PTPRG: variants seen among roughly 807,000 people sequenced by gnomAD.
PTPRG encodes the protein receptor-type tyrosine-protein phosphatase gamma.
In PTPRG, 102 loss-of-function variants were observed where a neutral mutation model predicts 165.3. That is an observed-to-expected ratio of 0.62 (90% CI 0.53 to 0.73). The LOEUF (loss-of-function observed/expected upper bound fraction) is 0.73, where lower values mean the gene tolerates loss of function less well. PTPRG is among the 30% of genes least tolerant of loss of function. The probability of loss-of-function intolerance (pLI) is 0.00; values close to 1 mark genes in which losing one functional copy is unlikely to be tolerated. For synonymous variants in PTPRG, 675 were observed against 669.5 expected (o/e 1.01, Z -0.13); for missense variants, 1,866 against 1,861.4 (o/e 1.00, Z -0.05).
intron 28 of PTPRG, among the ~76,000 whole-genome samples, chr3:62,285,533 G>C (rs1307613998): frequency 2.2e-5 from 3 of 135,626 alleles, no homozygotes; most frequent in East Asian, 2.5e-4. Context: ...TTGGGGGGGG[G>C]GGGTCTCAGG....
chr3:61,638,274 G>GTT (rs36047655), intron 1 of PTPRG, among the ~76,000 whole-genome samples: 33 of 150,154 alleles, frequency 2.2e-4, no homozygotes, highest in East Asian at 3.9e-4. Context: ...TTTGTATGTA[G>GTT]TTTTTTTTTT....
intron 2 of PTPRG, among the ~76,000 whole-genome samples, chr3:61,943,492 C>T (rs540300541): frequency 2.0e-5 from 3 of 152,250 alleles, no homozygotes; most frequent in South Asian, 4.1e-4. Flanking sequence ...GCAGGAGAAT[C>T]GCTTGAACCC....
rs1254094301 is a variant in PTPRG at position 61,993,271 on chromosome 3, G to T, written c.370+3467G>T. ...TTGATCTTGTTGCCCAGGCTGGAGT[G>T]CAATGGTGTGATCTCAGCTCACCGC... is the stretch of plus-strand genomic sequence containing the variant. On this transcript the variant is annotated intron_variant, in intron 3 of 29. Coordinates refer to ENST00000474889, the MANE Select transcript of PTPRG (RefSeq NM_002841.4). Among the ~76,000 whole-genome samples, 8 of 151,782 alleles carry T rather than the reference G, an allele frequency of 5.3e-5. No homozygotes were observed. In the South Asian group the frequency reaches 1.3e-3, roughly 24 times the overall value.
chr3:61,920,380 GA>G (rs2039048989), intron 2 of PTPRG, among the ~76,000 whole-genome samples: 3 of 152,072 alleles, frequency 2.0e-5, no homozygotes. Flanking sequence ...TTTTGAAGTA[GA>G]TTTTTTTTAA....
chr3:62,137,915 G>A (rs996182631), intron 6 of PTPRG, among the ~76,000 whole-genome samples: 4 of 152,186 alleles, frequency 2.6e-5, no homozygotes, highest in Non-Finnish European at 1.5e-5. Flanking sequence ...TGCTTCAAAT[G>A]TCGAACTACT....
At chr3:61,966,752 T>C (rs940998277) in intron 2 of PTPRG, among the ~76,000 whole-genome samples, 12 of 152,330 alleles carry the variant, frequency 7.9e-5, no homozygotes, top group African/African-American at 2.6e-4. Flanking sequence ...AGAATTTCTA[T>C]ATAAGATTCT....
chr3:62,166,145 AT>A (rs1704966769), intron 7 of PTPRG, among the ~76,000 whole-genome samples: 1 of 84,744 alleles, frequency 1.2e-5, no homozygotes, highest in African/African-American at 4.5e-5. Context: ...TCTTCATTCT[AT>A]TTTCTTCTCC....
chr3:61,640,505 T>C (rs1702033414), intron 1 of PTPRG, among the ~76,000 whole-genome samples: 1 of 152,178 alleles, frequency 6.6e-6, no homozygotes, highest in African/African-American at 2.4e-5. Context: ...CACATTACCA[T>C]ATTTAATCCC....
intron 2 of PTPRG, among the ~76,000 whole-genome samples, chr3:61,835,682 G>C (rs542559244): frequency 6.6e-6 from 1 of 152,206 alleles, no homozygotes; most frequent in East Asian, 1.9e-4. Context: ...GTAGTCTGAA[G>C]TGTCACATCA....
chr3:61,686,916 T>C (rs956565375), intron 1 of PTPRG, among the ~76,000 whole-genome samples: 8 of 152,094 alleles, frequency 5.3e-5, no homozygotes, highest in Non-Finnish European at 7.4e-5. Flanking sequence ...TCTTGAGAGG[T>C]ATGGGGAAGA....
At chr3:62,028,700 T>C (rs1489658376) in intron 4 of PTPRG, among the ~76,000 whole-genome samples, 3 of 152,130 alleles carry the variant, frequency 2.0e-5, no homozygotes, top group Non-Finnish European at 4.4e-5. Flanking sequence ...CATAAAAAGA[T>C]TGTTTATTTT....
chr3:61,978,082 C>G (rs1310032990), intron 2 of PTPRG, among the ~76,000 whole-genome samples: 1 of 152,172 alleles, frequency 6.6e-6, no homozygotes. Context: ...AAACTCCTGA[C>G]CTCAAGTGAT....
chr3:61,835,898 G>A (rs552708919), intron 2 of PTPRG, among the ~76,000 whole-genome samples: 2 of 151,760 alleles, frequency 1.3e-5, no homozygotes, highest in East Asian at 2.0e-4. Flanking sequence ...AAATTAGCCA[G>A]GCATGGTGGC....
At chr3:62,108,043 G>C (rs4688288) in intron 5 of PTPRG, among the ~76,000 whole-genome samples, 2 of 150,470 alleles carry the variant, frequency 1.3e-5, no homozygotes, top group Non-Finnish European at 3.0e-5. Context: ...TTTCTCTCTC[G>C]CTCTTTTTTT....
intron 4 of PTPRG, among the ~76,000 whole-genome samples, chr3:62,014,735 T>C (rs1266121580): frequency 6.6e-6 from 1 of 152,212 alleles, no homozygotes; most frequent in Non-Finnish European, 1.5e-5. Context: ...TGATTGCCTG[T>C]CTCTATCTCT....
intron 2 of PTPRG, among the ~76,000 whole-genome samples, chr3:61,808,655 A>G (rs1392598923): frequency 1.3e-5 from 2 of 152,082 alleles, no homozygotes; most frequent in Admixed American, 6.5e-5. Context: ...TAGGCCTAAA[A>G]TCTTTGGCAC....
chr3:61,578,027 G>A (rs1392543204), intron 1 of PTPRG, among the ~76,000 whole-genome samples: 1 of 152,208 alleles, frequency 6.6e-6, no homozygotes, highest in East Asian at 1.9e-4. Context: ...ATTTGGCACA[G>A]GCCTTGGCAT....
Position 62,233,705 on chromosome 3 carries a change from C to T in PTPRG, c.2375+2394C>T, listed in dbSNP as rs1307551741. On this transcript the variant is annotated intron_variant, in intron 14 of 29. Transcript: ENST00000474889. This position sits in a 1 kb window ranked among gnomAD's most constrained non-coding sequence, Gnocchi z 4.7. ...ATTACTCTTCTGCCCCTGTCATCTC[C>T]CTGTCCCACAGCAGGAAGGAAGGAG... Among the ~76,000 whole-genome samples the T allele has an allele frequency of 6.6e-6, 1 of 152,174 alleles. No individual in the cohort carries two copies. The highest frequency in any genetic ancestry group is 1.5e-5 in the Non-Finnish European group (1 of 68,028).
chr3:62,185,870 C>A (rs1344649503), intron 8 of PTPRG, among the ~76,000 whole-genome samples: 1 of 152,192 alleles, frequency 6.6e-6, no homozygotes. Context: ...ATCCATTTTA[C>A]AGATGCGGAC....
Sources: gnomAD v4.1 joint callset for allele counts (sites outside exome capture counted in the v4.1 genomes callset) on GRCh38, gnomAD v4.1.1 for gene constraint, Gnocchi (gnomAD v3.1) non-coding constraint, MANE v1.5 for transcripts, NCBI Gene and HGNC (gene_info 2026-07-23, HGNC 2026-07-21) for gene names.